SHPRH: variants seen among roughly 807,000 people sequenced by gnomAD.
SHPRH encodes E3 ubiquitin-protein ligase SHPRH.
A neutral mutation model predicts 202.5 loss-of-function variants in SHPRH; 106 were observed. The ratio of observed to expected loss-of-function variants is 0.52; its 90% confidence interval spans 0.45 to 0.62. The LOEUF is 0.62. Ranked by LOEUF, SHPRH falls within the 20% of genes least tolerant of loss-of-function variation. The pLI, the probability that SHPRH is intolerant of heterozygous loss-of-function variation, is 0.00. For synonymous variants in SHPRH, 729 were observed against 686.0 expected, an observed-to-expected ratio of 1.06 and a Z score of -0.98; for missense variants, 1,710 against 2,020.0, an observed-to-expected ratio of 0.85 and a Z score of 2.94.
At chr6:145,871,290 C>A (rs1237190071) in intron 2 of SHPRH, 1 of 152,024 alleles carries the variant, frequency 6.6e-6, no homozygotes, top group Non-Finnish European at 1.5e-5. Flanking sequence ...GTGACATAAT[C>A]CTATATCTAG....
At chr6:145,923,093 T>C (rs1784566555) in intron 18 of SHPRH, among the ~76,000 whole-genome samples, 1 of 151,880 alleles carries the variant, frequency 6.6e-6, no homozygotes, top group Admixed American at 6.6e-5. Flanking sequence ...AAAATGTATG[T>C]CTGTCTCAGA....
At chr6:145,881,859 G>A (rs1352826786), downstream of SHPRH, among the ~76,000 whole-genome samples, 4 of 151,982 alleles carry the variant, frequency 2.6e-5, no homozygotes, top group South Asian at 2.1e-4. Flanking sequence ...ATCCCAGCAC[G>A]TTGGGAGGCC....
downstream of SHPRH, among the ~76,000 whole-genome samples, chr6:145,862,248 TC>T (rs1779603095): frequency 6.7e-6 from 1 of 148,580 alleles, no homozygotes; most frequent in Non-Finnish European, 1.5e-5. Context: ...GATCACGAGG[TC>T]AGGAGATTGA....
At chr6:145,930,680 C>T (rs1198003123) in intron 14 of SHPRH, among the ~76,000 whole-genome samples, 1 of 152,124 alleles carries the variant, frequency 6.6e-6, no homozygotes, top group Admixed American at 6.5e-5. Context: ...TACTTGAAAA[C>T]AATGTATATT....
rs117826111 is a variant in SHPRH, at chr6:145,868,591, C to G, written c.222-4100G>C. Among the ~76,000 whole-genome samples the G allele has an allele frequency of 4.2e-3, 636 of 152,194 alleles. 18 individuals are homozygous for G. The East Asian group carries it at 0.071, about 17-fold the overall frequency. On this transcript the variant is annotated intron_variant, in intron 2 of 2. Coordinates refer to the SHPRH transcript ENST00000417762. ...AGATGAGGTTATCAGTGTTAAGGTA[C>G]GACACAGGAAGACAGTCAATGAAAA...
chr6:145,879,293 G>A (rs1178153912), intron 2 of SHPRH, among the ~76,000 whole-genome samples: 5 of 151,482 alleles, frequency 3.3e-5, no homozygotes, highest in Non-Finnish European at 7.4e-5. Context: ...CTTTTTCTCT[G>A]TTTACTAACT....
In SHPRH at chr6:145,923,534, T is replaced by C. The variant is rs910816397; in HGVS notation, c.3545+109A>G. ...GTATGAATGTGTCTGTATAGGTTTATGAATGGAGAAAAAAAGCCGGTAATA... is the reference window on the plus strand; with the variant it reads ...GTATGAATGTGTCTGTATAGGTTTACGAATGGAGAAAAAAAGCCGGTAATA... On this transcript the variant is annotated intron_variant, in intron 18 of 29. Coordinates refer to ENST00000275233, the MANE Select transcript of SHPRH (RefSeq NM_001042683.3). 20 of 1,358,840 alleles carry C rather than the reference T, an allele frequency of 1.5e-5. No individual in the cohort carries two copies. In the African/African-American group the frequency reaches 2.5e-4, roughly 17 times the overall value. 84.2% of individuals were successfully genotyped at this position (1,358,840 alleles called of 1,614,324 possible). A position where few individuals can be genotyped will look rare whatever the true frequency, so the allele number is the denominator to read the frequency against.
chr6:145,879,343 ATTTC>A (rs1780447625), intron 2 of SHPRH, among the ~76,000 whole-genome samples: 1 of 152,128 alleles, frequency 6.6e-6, no homozygotes. Flanking sequence ...TCCTCCTTGT[ATTTC>A]TTAGTTGGCT....
At chr6:145,946,840 G>T (rs115899968) in intron 6 of SHPRH, among the ~76,000 whole-genome samples, 1 of 151,680 alleles carries the variant, frequency 6.6e-6, no homozygotes. Flanking sequence ...GAGACTGGTG[G>T]GTCCTAGAGG....
intron 25 of SHPRH, chr6:145,904,181 T>G (rs2128727470): frequency 6.6e-6 from 1 of 152,184 alleles, no homozygotes; most frequent in South Asian, 2.1e-4. Flanking sequence ...GATTAAGCAT[T>G]CTGTACGATA....
chr6:145,948,790 T>C (rs1174219639), intron 4 of SHPRH, among the ~76,000 whole-genome samples: 3 of 152,050 alleles, frequency 2.0e-5, no homozygotes, highest in Non-Finnish European at 4.4e-5. Context: ...CCTGACCTCT[T>C]CTACGGGTCT....
chr6:145,884,282 T>C (rs565393684), downstream of SHPRH: 1 of 152,320 alleles, frequency 6.6e-6, no homozygotes, highest in Admixed American at 6.5e-5. Context: ...TCAGGTCACA[T>C]ACAAAGAGAA....
Position 145,893,529 on chromosome 6 carries a change from A to G in SHPRH, c.4696-136T>C, listed in dbSNP as rs1414725434. 5 of 760,282 alleles carry G rather than the reference A, an allele frequency of 6.6e-6. No individual in the cohort carries two copies. In the African/African-American group the frequency reaches 9.2e-5, roughly 14 times the overall value. The allele number at this position is 760,282 out of a possible 1,614,324, so 47.1% of individuals were successfully genotyped here. ...AACAGCTAAGAAACTTAAATGCAAA[A>G]TTACCAACTTTAGAAAATGTAAACT... On this transcript the variant is annotated intron_variant, in intron 27 of 29. Transcript: ENST00000275233.
At chr6:145,932,929 C>T in intron 14 of SHPRH, 128 bp downstream of exon 14, 1 of 1,061,032 alleles carries the variant, frequency 9.4e-7, no homozygotes. Context: ...AAACTATATT[C>T]AGTAGTGTGT....
At chr6:145,933,946 T>C (rs2128766242) in intron 13 of SHPRH, among the ~76,000 whole-genome samples, 1 of 152,002 alleles carries the variant, frequency 6.6e-6, no homozygotes, top group East Asian at 1.9e-4. Context: ...AACTATGAAA[T>C]AAAATAAGAG....
chr6:145,867,627 T>TAGAGAGAGAGAG (rs1296301891), intron 2 of SHPRH, among the ~76,000 whole-genome samples: 24 of 53,786 alleles, frequency 4.5e-4, no homozygotes, highest in Non-Finnish European at 6.8e-4. Context: ...TATATATATA[T>TAGAGAGAGAGAG]ATATAGAGAG....
chr6:145,951,171 T>C (rs1787934670), intron 3 of SHPRH, among the ~76,000 whole-genome samples: 1 of 152,124 alleles, frequency 6.6e-6, no homozygotes, highest in Admixed American at 6.6e-5. Context: ...GAAGAAGATT[T>C]ATACTTACTA....
chr6:145,931,367 T>TA (rs1785424366), intron 14 of SHPRH, among the ~76,000 whole-genome samples: 1 of 152,218 alleles, frequency 6.6e-6, no homozygotes, highest in East Asian at 1.9e-4. Context: ...TTATTATTAT[T>TA]TTTGAGATGG....
chr6:145,910,477 C>A lies in SHPRH; in HGVS notation c.4486G>T (p.Ala1496Ser). The A allele has an allele frequency of 6.2e-7, 1 of 1,612,942 alleles. No homozygotes were observed. Among genetic ancestry groups the A allele is most frequent in the Non-Finnish European group, 8.5e-7 (1 of 1,179,424 alleles). Reference sequence around the variant, plus strand: ...ACAGGGATGTCCTCCTCCTGGTTTGCTTTCTCTGAGGTAAAGACATACGAG... The same window carrying A: ...ACAGGGATGTCCTCCTCCTGGTTTGATTTCTCTGAGGTAAAGACATACGAG... ...EISYVFTSEK[A>S]NQEEDIPVKG... Residue 1496 changes from alanine to serine, a missense_variant, in exon 25 of 30, where the codon GCA (alanine) becomes TCA (serine). This residue lies in a region of SHPRH where 306 missense variants were observed against 479.5 expected (regional missense o/e 0.64). Transcript: ENST00000275233.
Sources: allele counts gnomAD v4.1 joint callset (sites outside exome capture counted in the v4.1 genomes callset), GRCh38; gene constraint gnomAD v4.1.1; regional missense constraint gnomAD v4.1.1; transcripts MANE v1.5; gene names NCBI Gene and HGNC (gene_info 2026-07-23, HGNC 2026-07-21).